IGSF11: variants seen among roughly 807,000 people sequenced by gnomAD.
IGSF11 encodes immunoglobulin superfamily member 11, also known as CXADR like 1.
IGSF11 carries 22 observed loss-of-function variants against 41.0 expected under a neutral mutation model. That is an observed-to-expected ratio of 0.54 (90% CI 0.38 to 0.77). The LOEUF (loss-of-function observed/expected upper bound fraction) is 0.77, where lower values mean the gene tolerates loss of function less well. Among genes scored for constraint, IGSF11 ranks in the 30% least tolerant of loss-of-function variants. The probability of loss-of-function intolerance (pLI) is 0.00; values close to 1 mark genes in which losing one functional copy is unlikely to be tolerated. For missense variants in IGSF11, 444 were observed against 530.8 expected (o/e 0.84, Z 1.61); for synonymous variants, 219 against 201.3 (o/e 1.09, Z -0.74).
intron 1 of IGSF11, among the ~76,000 whole-genome samples, chr3:119,026,956 C>T (rs1939886929): frequency 6.6e-6 from 1 of 152,112 alleles, no homozygotes; most frequent in Non-Finnish European, 1.5e-5. Context: ...TGATAAAATT[C>T]AAGCAATATC....
intron 1 of IGSF11, among the ~76,000 whole-genome samples, chr3:119,114,503 A>G (rs115178247): frequency 0.048 from 7,365 of 152,304 alleles, 224 homozygotes; most frequent in South Asian, 0.094. Context: ...AATGCCTCCA[A>G]CCTCTTTGAT....
chr3:118,967,465 C>T (rs764899338), intron 1 of IGSF11, among the ~76,000 whole-genome samples: 2 of 152,102 alleles, frequency 1.3e-5, no homozygotes, highest in Admixed American at 6.6e-5. Flanking sequence ...GAGCCCAAGA[C>T]GCGTCTTTTA....
intron 1 of IGSF11, among the ~76,000 whole-genome samples, chr3:118,977,306 A>G (rs1033522966): frequency 2.0e-5 from 3 of 152,200 alleles, no homozygotes; most frequent in African/African-American, 7.2e-5. Context: ...ACAGGCAGCA[A>G]CAGCTTGCAG....
intron 2 of IGSF11, among the ~76,000 whole-genome samples, chr3:118,929,366 C>T (rs767634360): frequency 3.9e-5 from 6 of 152,224 alleles, no homozygotes; most frequent in Non-Finnish European, 7.4e-5. Context: ...ATCTTGAAGG[C>T]GGAGTCTAAC....
intron 1 of IGSF11, among the ~76,000 whole-genome samples, chr3:119,128,491 G>C (rs2077434882): frequency 6.6e-6 from 1 of 152,148 alleles, no homozygotes; most frequent in Non-Finnish European, 1.5e-5. Context: ...TTGGCGTGCT[G>C]TATTCAGGAG....
intron 1 of IGSF11, among the ~76,000 whole-genome samples, chr3:119,058,309 C>T (rs1324813034): frequency 1.1e-4 from 16 of 152,110 alleles, no homozygotes; most frequent in African/African-American, 3.1e-4. Flanking sequence ...AAAAAGTGGG[C>T]AAAGGATATG....
chr3:118,993,784 A>T (rs1382283590), intron 1 of IGSF11, among the ~76,000 whole-genome samples: 1 of 152,222 alleles, frequency 6.6e-6, no homozygotes, highest in Non-Finnish European at 1.5e-5. Flanking sequence ...GACTACATTG[A>T]TAAGAAATGT....
At chr3:118,907,258 C>T (rs1288620407) in intron 4 of IGSF11, among the ~76,000 whole-genome samples, 1 of 152,142 alleles carries the variant, frequency 6.6e-6, no homozygotes, top group Admixed American at 6.5e-5. Flanking sequence ...AAAAGCAGAT[C>T]TGAGTAAAGT....
intron 1 of IGSF11, among the ~76,000 whole-genome samples, chr3:118,985,328 G>A (rs1034841188): frequency 2.0e-5 from 3 of 152,158 alleles, no homozygotes; most frequent in South Asian, 2.1e-4. Context: ...GAATCTACTG[G>A]ATATTTTTAA....
At chr3:118,905,022 A>T (rs1939402155) in intron 5 of IGSF11, among the ~76,000 whole-genome samples, 1 of 152,202 alleles carries the variant, frequency 6.6e-6, no homozygotes, top group Non-Finnish European at 1.5e-5. Context: ...TGAATGAATA[A>T]ACAATTAAAT....
intron 1 of IGSF11, among the ~76,000 whole-genome samples, chr3:119,029,237 TACAC>T (rs10662902): frequency 0.021 from 2,641 of 123,134 alleles, 32 homozygotes; most frequent in Middle Eastern, 0.048. Flanking sequence ...CTTTTGGGAA[TACAC>T]ACACACACAC....
At chr3:118,953,460 T>C (rs1944728342) in intron 1 of IGSF11, among the ~76,000 whole-genome samples, 1 of 152,224 alleles carries the variant, frequency 6.6e-6, no homozygotes, top group Non-Finnish European at 1.5e-5. Context: ...TATTAATAGT[T>C]ATTTAAGGAA....
intron 1 of IGSF11, among the ~76,000 whole-genome samples, chr3:119,058,192 C>A (rs970193540): frequency 6.6e-6 from 1 of 151,956 alleles, no homozygotes; most frequent in Non-Finnish European, 1.5e-5. Context: ...AGGCAACCTA[C>A]AAAATGGGAG....
intron 1 of IGSF11, among the ~76,000 whole-genome samples, chr3:119,000,832 C>A (rs1034035382): frequency 9.2e-5 from 14 of 152,256 alleles, no homozygotes; most frequent in Admixed American, 9.2e-4. Flanking sequence ...AATATATTAG[C>A]CAGAGTGCCT....
upstream of IGSF11, among the ~76,000 whole-genome samples, chr3:119,036,735 C>CA (rs1392671006): frequency 6.6e-6 from 1 of 151,858 alleles, no homozygotes; most frequent in Non-Finnish European, 1.5e-5. Flanking sequence ...AAATAAGTTC[C>CA]AATTGCATAT....
chr3:119,063,824 CAA>C (rs1390208024), intron 1 of IGSF11, among the ~76,000 whole-genome samples: 4 of 152,112 alleles, frequency 2.6e-5, no homozygotes, highest in Admixed American at 6.5e-5. Context: ...AAAGAGGAAC[CAA>C]GAGAGAGAAG....
chr3:119,034,008 C>A (rs1024572087), intron 1 of IGSF11, among the ~76,000 whole-genome samples: 1 of 152,106 alleles, frequency 6.6e-6, no homozygotes, highest in African/African-American at 2.4e-5. Flanking sequence ...TAAATAAATT[C>A]TTGTTTTCGA....
chr3:119,145,775 G>C, intron 1 of IGSF11: 1 of 169,204 alleles, frequency 5.9e-6, no homozygotes, highest in Non-Finnish European at 1.3e-5. Flanking sequence ...GTTGACATTT[G>C]GAGGTGCGGT....
chr3:119,053,228 T>C lies in IGSF11; in HGVS notation c.49+51916A>G, dbSNP rs142259848. ...CTGCTACTGTTTGCTGATTTGCTGC[T>C]GTTTTCTAGGTATAGATCATATACT... On this transcript the variant is annotated intron_variant, in intron 1 of 6. Coordinates refer to the IGSF11 transcript ENST00000354673. 9.2e-5 allele frequency among the ~76,000 whole-genome samples: 14 copies of C among 152,294 alleles called. No homozygotes were observed. In the East Asian group the frequency reaches 2.7e-3, roughly 29 times the overall value.
Sources: allele counts gnomAD v4.1 joint callset (sites outside exome capture counted in the v4.1 genomes callset), GRCh38; gene constraint gnomAD v4.1.1; transcripts MANE v1.5; gene names NCBI Gene and HGNC (gene_info 2026-07-23, HGNC 2026-07-21).